FOXN3: variants seen among roughly 807,000 people sequenced by gnomAD.
FOXN3 encodes the protein forkhead box N3.
Under a neutral mutation model 38.4 loss-of-function variants are expected in FOXN3, and 7 were observed. The observed-to-expected ratio is 0.18, with a 90% CI of 0.10 to 0.34. FOXN3 has a LOEUF of 0.34. FOXN3 is among the 10% of genes least tolerant of loss of function. FOXN3 has a pLI of 1.00. For missense variants in FOXN3, 456 were observed against 613.4 expected (o/e 0.74, Z 2.71); for synonymous variants, 230 against 242.2 (o/e 0.95, Z 0.47).
At chr14:89,393,674 C>T (rs534932713) in intron 2 of FOXN3, among the ~76,000 whole-genome samples, 1 of 152,290 alleles carries the variant, frequency 6.6e-6, no homozygotes, top group Admixed American at 6.5e-5. Flanking sequence ...GAAAAAAGAT[C>T]AGTTGGGATT....
chr14:89,555,772 G>A (rs899212390), intron 1 of FOXN3, among the ~76,000 whole-genome samples: 4 of 151,368 alleles, frequency 2.6e-5, no homozygotes, highest in Admixed American at 2.6e-4. Flanking sequence ...TAGGAGATTT[G>A]ACCAAAGACC....
At chr14:89,173,313 T>C (rs960549107) in intron 5 of FOXN3, among the ~76,000 whole-genome samples, 1 of 152,248 alleles carries the variant, frequency 6.6e-6, no homozygotes, top group African/African-American at 2.4e-5. Context: ...CAATTCTAAA[T>C]GTGTGTGAAG....
chr14:89,228,389 A>G (rs1261670263), intron 4 of FOXN3, among the ~76,000 whole-genome samples: 1 of 152,234 alleles, frequency 6.6e-6, no homozygotes, highest in African/African-American at 2.4e-5. Flanking sequence ...AACCTACTGC[A>G]AAACTTGGTG....
intron 1 of FOXN3, among the ~76,000 whole-genome samples, chr14:89,593,432 A>G (rs1486044163): frequency 6.6e-6 from 1 of 152,194 alleles, no homozygotes; most frequent in Non-Finnish European, 1.5e-5. Flanking sequence ...TAAAGTCAGG[A>G]GTTCGAGACC....
chr14:89,445,820 C>T (rs567958146), intron 1 of FOXN3, among the ~76,000 whole-genome samples: 2 of 152,134 alleles, frequency 1.3e-5, no homozygotes, highest in East Asian at 1.9e-4. Context: ...GTGGCTCACA[C>T]CTATAACCCC....
intron 2 of FOXN3, among the ~76,000 whole-genome samples, chr14:89,369,640 T>C (rs1432189456): frequency 6.6e-6 from 1 of 152,086 alleles, no homozygotes; most frequent in Non-Finnish European, 1.5e-5. Flanking sequence ...AAGGCATGTC[T>C]TACATGGCAG....
At position 89,441,601 on chromosome 14, in the gene FOXN3, T is replaced by C. The variant is rs1362376011; in HGVS notation, c.-14-29111A>G. On this transcript the variant is annotated intron_variant, in intron 1 of 6. Coordinates refer to the FOXN3 transcript ENST00000345097. Reference sequence around the variant, plus strand: ...CCTACTAGCTGGAACAGAAAGGGCATCATCCTTCCGCAGGGTTGGACCAAG... The same window carrying C: ...CCTACTAGCTGGAACAGAAAGGGCACCATCCTTCCGCAGGGTTGGACCAAG... Among the ~76,000 whole-genome samples, 3 of 152,148 alleles carry C rather than the reference T, an allele frequency of 2.0e-5. No individual in the cohort carries two copies. In the East Asian group the frequency reaches 5.8e-4, roughly 29 times the overall value.
intron 3 of FOXN3, chr14:89,284,479 T>C: frequency 4.4e-6 from 2 of 456,054 alleles, no homozygotes; most frequent in Non-Finnish European, 8.8e-6. Context: ...TCTTCCAGCT[T>C]TCCTCTTCTG....
intron 1 of FOXN3, among the ~76,000 whole-genome samples, chr14:89,480,165 T>C (rs4904585): frequency 0.24 from 36,566 of 152,006 alleles, 4,737 homozygotes; most frequent in East Asian, 0.42. Context: ...TTCTAGCCTC[T>C]TAAGAGGCGG....
chr14:89,448,667 G>A (rs745526811), intron 1 of FOXN3, among the ~76,000 whole-genome samples: 5 of 151,974 alleles, frequency 3.3e-5, no homozygotes, highest in Middle Eastern at 3.2e-3. Flanking sequence ...GGTGGGGTGC[G>A]GTGGCTAACA....
rs1887074986 is a variant in FOXN3, at chr14:89,160,617, C to A, written c.*1797G>T. On this transcript the variant is annotated 3_prime_UTR_variant, in exon 6 of 6. Coordinates refer to ENST00000557258, the MANE Select transcript of FOXN3 (RefSeq NM_005197.4). ...CCATAATTCTCTTGATTCTATCATA[C>A]ACACTCACTACTAAGTTTGCCCTCA... 1 of 152,572 alleles carries A rather than the reference C, an allele frequency of 6.6e-6. No homozygotes were observed. Among genetic ancestry groups the A allele is most frequent in the Non-Finnish European group, 1.5e-5 (1 of 68,030 alleles). The allele number at this position is 152,572 out of a possible 1,614,324, so 9.5% of individuals were successfully genotyped here. A position where few individuals can be genotyped will look rare whatever the true frequency, so the allele number is the denominator to read the frequency against.
chr14:89,381,145 CAAAAA>C (rs71130067), intron 2 of FOXN3, among the ~76,000 whole-genome samples: 14 of 64,218 alleles, frequency 2.2e-4, no homozygotes, highest in African/African-American at 6.9e-4. Context: ...CCCTCCGTCT[CAAAAA>C]AAAAAAAAAA....
chr14:89,418,775 G>A (rs1286556188), upstream of FOXN3, among the ~76,000 whole-genome samples: 1 of 152,062 alleles, frequency 6.6e-6, no homozygotes, highest in Non-Finnish European at 1.5e-5. Context: ...CTGTAGCTCC[G>A]GCTAATGCAG....
At chr14:89,179,357 G>A (rs1887604842) in intron 5 of FOXN3, among the ~76,000 whole-genome samples, 1 of 152,132 alleles carries the variant, frequency 6.6e-6, no homozygotes, top group Non-Finnish European at 1.5e-5. Context: ...AGCTGCACGC[G>A]GCAGGGGAGT....
intron 1 of FOXN3, among the ~76,000 whole-genome samples, chr14:89,510,936 C>A (rs924586705): frequency 1.3e-5 from 2 of 152,008 alleles, no homozygotes; most frequent in Non-Finnish European, 2.9e-5. Flanking sequence ...GAGTGAGACT[C>A]CATCTCAAAG....
intron 1 of FOXN3, among the ~76,000 whole-genome samples, chr14:89,575,728 G>A (rs17126084): frequency 0.051 from 7,818 of 152,226 alleles, 457 homozygotes; most frequent in African/African-American, 0.12. Flanking sequence ...AGAGGATACC[G>A]ATGGTCTCTA....
chr14:89,289,502 T>C, intron 3 of FOXN3, among the ~76,000 whole-genome samples: 1 of 152,240 alleles, frequency 6.6e-6, no homozygotes, highest in East Asian at 1.9e-4. Flanking sequence ...AAAAGCACTG[T>C]TTCCTCCCAT....
Position 89,594,041 on chromosome 14 carries a change from A to T in FOXN3, c.-15+24987T>A, listed in dbSNP as rs190398112. Among the ~76,000 whole-genome samples, 570 of 152,330 alleles carry T rather than the reference A, an allele frequency of 3.7e-3. 8 individuals carry two copies. Among genetic ancestry groups the T allele is most frequent in the Admixed American group, 0.019 (284 of 15,300 alleles). ...GTAGCTATAGTTTGTTTTTATCGGT[A>T]TGTCACTTTTCACATATACCATAAA... On this transcript the variant is annotated intron_variant, in intron 1 of 6. Transcript: ENST00000345097.
At chr14:89,492,794 A>G (rs1289633231) in intron 1 of FOXN3, among the ~76,000 whole-genome samples, 2 of 152,212 alleles carry the variant, frequency 1.3e-5, no homozygotes, top group Non-Finnish European at 2.9e-5. Context: ...CAGACTACAC[A>G]TGGGCATATA....
Sources: allele counts gnomAD v4.1 joint callset (sites outside exome capture counted in the v4.1 genomes callset), GRCh38; gene constraint gnomAD v4.1.1; transcripts MANE v1.5; gene names NCBI Gene and HGNC (gene_info 2026-07-23, HGNC 2026-07-21).